Variants in FRMD6 observed in about 807,000 individuals in gnomAD.
The protein encoded by FRMD6 is FERM domain containing 6.
FRMD6 carries 37 observed loss-of-function variants against 73.2 expected under a neutral mutation model. The ratio of observed to expected loss-of-function variants is 0.51; its 90% CI spans 0.39 to 0.66. FRMD6 has a LOEUF of 0.66. Ranked by LOEUF, FRMD6 falls within the 30% of genes least tolerant of loss-of-function variation. The pLI, the probability that FRMD6 is intolerant of heterozygous loss-of-function variation, is 0.00. For synonymous variants in FRMD6, 273 were observed against 282.2 expected (o/e 0.97, Z 0.33); for missense variants, 714 against 780.5 (o/e 0.91, Z 1.02).
intron 1 of FRMD6, among the ~76,000 whole-genome samples, chr14:51,524,455 G>A (rs1885124092): frequency 6.6e-6 from 1 of 152,008 alleles, no homozygotes; most frequent in South Asian, 2.1e-4. Context: ...TGGGGGCAAG[G>A]AGAGGTCCTT....
intron 1 of FRMD6, among the ~76,000 whole-genome samples, chr14:51,517,415 C>T (rs1596527673): frequency 6.6e-6 from 1 of 152,076 alleles, no homozygotes; most frequent in East Asian, 1.9e-4. Flanking sequence ...TATAAAAATC[C>T]TTAGTGAAGC....
chr14:51,503,174 T>G (rs557562286), intron 1 of FRMD6, among the ~76,000 whole-genome samples: 4 of 152,250 alleles, frequency 2.6e-5, no homozygotes, highest in Non-Finnish European at 5.9e-5. Context: ...TCTTCCTATT[T>G]GAATACTCTT....
At chr14:51,455,272 A>G in the FRMD6 span, among the ~76,000 whole-genome samples, 1 of 152,256 alleles carries the variant, frequency 6.6e-6, no homozygotes, top group Non-Finnish European at 1.5e-5. Context: ...TTCACATCCC[A>G]AGAATTTAAT....
intron 2 of FRMD6, chr14:51,576,139 G>C (rs759435365): frequency 1.3e-5 from 2 of 152,248 alleles, no homozygotes; most frequent in African/African-American, 2.4e-5. Flanking sequence ...TCTGAGACCA[G>C]AGCCCACAGA....
In FRMD6 at chr14:51,723,440, T is replaced by C. The variant is rs535833558; in HGVS notation, c.1492+1360T>C. On this transcript the variant is annotated intron_variant, in intron 12 of 13. Coordinates refer to ENST00000344768, the MANE Select transcript of FRMD6 (RefSeq NM_001267046.2). ...TAAAAAGCCTGGCTGTTTAAGAAGATTTATATATAAAAAAAGTTTGTTGAA... is the reference window on the plus strand; with the variant it reads ...TAAAAAGCCTGGCTGTTTAAGAAGACTTATATATAAAAAAAGTTTGTTGAA... 5.4e-4 allele frequency among the ~76,000 whole-genome samples: 82 copies of C among 152,160 alleles called. 1 individual carries two copies. The highest frequency in any genetic ancestry group is 1.5e-3 in the South Asian group (7 of 4,808).
At chr14:51,528,245 C>T (rs541754321) in intron 1 of FRMD6, among the ~76,000 whole-genome samples, 1 of 152,204 alleles carries the variant, frequency 6.6e-6, no homozygotes. Flanking sequence ...GCCAGTGGAT[C>T]ATCCAGCTGA....
intron 1 of FRMD6, among the ~76,000 whole-genome samples, chr14:51,542,946 C>G (rs1463253432): frequency 6.6e-6 from 1 of 152,002 alleles, no homozygotes; most frequent in African/African-American, 2.4e-5. Context: ...AGGCCCTGTG[C>G]ACATTTTTTA....
chr14:51,445,267 G>A, the FRMD6 span, among the ~76,000 whole-genome samples: 1 of 152,132 alleles, frequency 6.6e-6, no homozygotes, highest in African/African-American at 2.4e-5. Flanking sequence ...GAGACCTCAA[G>A]CACACCAGCC....
At chr14:51,668,046 C>T (rs1035599761) in intron 1 of FRMD6, among the ~76,000 whole-genome samples, 5 of 152,148 alleles carry the variant, frequency 3.3e-5, no homozygotes, top group Admixed American at 3.3e-4. Flanking sequence ...GCTTTAATTA[C>T]TGCCTTACAT....
the FRMD6 span, among the ~76,000 whole-genome samples, chr14:51,479,841 T>C: frequency 6.6e-6 from 1 of 152,170 alleles, no homozygotes; most frequent in Non-Finnish European, 1.5e-5. Context: ...AAAATAGCAG[T>C]TGCAGAGGCA....
At chr14:51,696,406 ATAT>A (rs916539162) in intron 2 of FRMD6, among the ~76,000 whole-genome samples, 8 of 150,902 alleles carry the variant, frequency 5.3e-5, no homozygotes, top group East Asian at 1.9e-4. Context: ...AATAATACAA[ATAT>A]TATTTGTATG....
intron 1 of FRMD6, among the ~76,000 whole-genome samples, chr14:51,511,020 G>C (rs994342867): frequency 6.6e-6 from 1 of 151,812 alleles, no homozygotes; most frequent in Non-Finnish European, 1.5e-5. Context: ...CCAGAGTGAA[G>C]CTTGTAGGGC....
chr14:51,608,087 T>TA (rs1890338653), intron 2 of FRMD6, among the ~76,000 whole-genome samples: 1 of 152,192 alleles, frequency 6.6e-6, no homozygotes, highest in Non-Finnish European at 1.5e-5. Context: ...CCCACACAGC[T>TA]TTTTCTGGGA....
At chr14:51,636,926 G>A (rs1466896820) in intron 2 of FRMD6, among the ~76,000 whole-genome samples, 6 of 152,196 alleles carry the variant, frequency 3.9e-5, no homozygotes, top group Non-Finnish European at 8.8e-5. Context: ...AACATTTTAA[G>A]TAAATAGTAA....
At chr14:51,537,407 T>C (rs867510529) in intron 1 of FRMD6, among the ~76,000 whole-genome samples, 6 of 152,234 alleles carry the variant, frequency 3.9e-5, no homozygotes, top group Middle Eastern at 3.2e-3. Context: ...ATTCACGTAC[T>C]GAAGGCTACC....
At chr14:51,629,360 A>G (rs1293486968) in intron 2 of FRMD6, among the ~76,000 whole-genome samples, 1 of 152,236 alleles carries the variant, frequency 6.6e-6, no homozygotes, top group African/African-American at 2.4e-5. Context: ...GTGCCAATGT[A>G]TGTTTCATTT....
intron 1 of FRMD6, among the ~76,000 whole-genome samples, chr14:51,569,020 A>AT (rs1887944858): frequency 1.3e-5 from 2 of 151,898 alleles, no homozygotes; most frequent in African/African-American, 4.8e-5. Context: ...TAATTTTTGT[A>AT]TTTTTGGTAG....
intron 2 of FRMD6, among the ~76,000 whole-genome samples, chr14:51,580,653 C>T (rs150345123): frequency 6.6e-6 from 1 of 152,228 alleles, no homozygotes; most frequent in Non-Finnish European, 1.5e-5. Flanking sequence ...CGTAAAAAAG[C>T]AACACAATGT....
Position 51,510,491 on chromosome 14 carries a change from G to T in FRMD6, c.-210+21071G>T, listed in dbSNP as rs541167804. ...GGATTGTTATTAATAATTTCTAAAAGAATCCAATATATTTTATTACTACAG... is the reference window on the plus strand; with the variant it reads ...GGATTGTTATTAATAATTTCTAAAATAATCCAATATATTTTATTACTACAG... On this transcript the variant is annotated intron_variant, in intron 1 of 14. Transcript: ENST00000356218. Among the ~76,000 whole-genome samples the T allele has an allele frequency of 7.2e-5, 11 of 152,054 alleles. 1 individual carries two copies. The South Asian group carries it at 1.7e-3, about 23-fold the overall frequency.
Sources: gnomAD v4.1 joint callset for allele counts (sites outside exome capture counted in the v4.1 genomes callset) on GRCh38, gnomAD v4.1.1 for gene constraint, MANE v1.5 for transcripts, NCBI Gene and HGNC (gene_info 2026-07-23, HGNC 2026-07-21) for gene names.